Variants in ESRRG observed in about 807,000 individuals in gnomAD.
The protein encoded by ESRRG is estrogen related receptor gamma, also known as estrogen-related receptor gamma.
A neutral mutation model predicts 44.0 loss-of-function variants in ESRRG; 13 were observed. The ratio of observed to expected loss-of-function variants is 0.30; its 90% confidence interval spans 0.19 to 0.47. The LOEUF is 0.47. Among genes scored for constraint, ESRRG ranks in the 20% least tolerant of loss-of-function variants. The probability of loss-of-function intolerance (pLI) is 1.00; values close to 1 mark genes in which losing one functional copy is unlikely to be tolerated. For synonymous variants in ESRRG, 215 were observed against 214.6 expected (o/e 1.00, Z -0.02); for missense variants, 395 against 580.6 (o/e 0.68, Z 3.29).
chr1:216,757,765 A>G (rs748195341), intron 2 of ESRRG, among the ~76,000 whole-genome samples: 8 of 152,120 alleles, frequency 5.3e-5, no homozygotes, highest in African/African-American at 1.7e-4. Context: ...TGCAATTAAG[A>G]CTTCAGAGCC....
rs955202801 is a variant in ESRRG, at chr1:216,933,746, T to C, written c.-14+5836A>G. On this transcript the variant is annotated intron_variant, in intron 2 of 7. Coordinates refer to the ESRRG transcript ENST00000359162. ...ATTAAATTATAACTGGATCACAAAA[T>C]TCCTAGAAATTTAACAAGTGATTCT... Among the ~76,000 whole-genome samples, 3 of 152,198 alleles carry C rather than the reference T, an allele frequency of 2.0e-5. No homozygotes were observed. The East Asian group carries it at 5.8e-4, about 29-fold the overall frequency.
chr1:216,808,722 C>G (rs893330584), intron 2 of ESRRG, among the ~76,000 whole-genome samples: 1 of 152,070 alleles, frequency 6.6e-6, no homozygotes, highest in Non-Finnish European at 1.5e-5. Flanking sequence ...CCATGCCTGG[C>G]CTGAATATAA....
At chr1:216,976,665 G>C (rs1486756559) in intron 1 of ESRRG, among the ~76,000 whole-genome samples, 1 of 152,038 alleles carries the variant, frequency 6.6e-6, no homozygotes, top group East Asian at 1.9e-4. Context: ...CAGCAGCAAT[G>C]GTAGCAATTT....
At chr1:217,071,897 G>T (rs1320542441) in intron 1 of ESRRG, among the ~76,000 whole-genome samples, 1 of 152,144 alleles carries the variant, frequency 6.6e-6, no homozygotes, top group Non-Finnish European at 1.5e-5. Context: ...AACCCCTGGG[G>T]TCTAGTTCTA....
At chr1:216,885,131 G>A (rs2096496744) in intron 2 of ESRRG, among the ~76,000 whole-genome samples, 1 of 151,794 alleles carries the variant, frequency 6.6e-6, no homozygotes, top group Non-Finnish European at 1.5e-5. Flanking sequence ...GCAGATTTAA[G>A]GAAGGCAGCA....
chr1:216,655,831 G>T (rs986857650), intron 2 of ESRRG, among the ~76,000 whole-genome samples: 10 of 152,050 alleles, frequency 6.6e-5, no homozygotes, highest in African/African-American at 2.4e-4. Context: ...ATTGTTGTTG[G>T]CTATGATCAC....
chr1:217,006,687 G>A (rs946831693), intron 1 of ESRRG, among the ~76,000 whole-genome samples: 6 of 152,014 alleles, frequency 3.9e-5, no homozygotes, highest in African/African-American at 4.8e-5. Context: ...TTATATGCAC[G>A]GCCTAAAGGT....
chr1:217,119,640 AG>A (rs1429294155), intron 1 of ESRRG, among the ~76,000 whole-genome samples: 2 of 152,220 alleles, frequency 1.3e-5, no homozygotes, highest in African/African-American at 4.8e-5. Flanking sequence ...CTTGTAGCTC[AG>A]TTGGCTTTGA....
At chr1:216,534,477 T>C (rs1258841563) in intron 5 of ESRRG, among the ~76,000 whole-genome samples, 1 of 152,112 alleles carries the variant, frequency 6.6e-6, no homozygotes. Context: ...AGCTCATGAG[T>C]ATCTCTTTCA....
chr1:216,977,377 C>G (rs1394383404), intron 1 of ESRRG, among the ~76,000 whole-genome samples: 2 of 150,232 alleles, frequency 1.3e-5, no homozygotes, highest in Non-Finnish European at 3.0e-5. Flanking sequence ...CACACATATA[C>G]ATATAGATAG....
intron 2 of ESRRG, among the ~76,000 whole-genome samples, chr1:216,784,164 T>C (rs2094037041): frequency 6.6e-6 from 1 of 152,064 alleles, no homozygotes; most frequent in Non-Finnish European, 1.5e-5. Context: ...GAGTTTCTTT[T>C]TTTTTATGTC....
chr1:216,968,568 C>A (rs917671551), intron 1 of ESRRG, among the ~76,000 whole-genome samples: 6 of 152,034 alleles, frequency 3.9e-5, no homozygotes, highest in Non-Finnish European at 7.4e-5. Context: ...TAGTTTTGAG[C>A]TCTCTATTCT....
At chr1:217,114,849 T>C (rs1245645287) in intron 1 of ESRRG, among the ~76,000 whole-genome samples, 1 of 151,672 alleles carries the variant, frequency 6.6e-6, no homozygotes, top group Non-Finnish European at 1.5e-5. Context: ...TAGAGATGAT[T>C]TTTAGGGGTT....
At chr1:216,783,472 T>TA (rs2094007590) in intron 2 of ESRRG, among the ~76,000 whole-genome samples, 1 of 152,094 alleles carries the variant, frequency 6.6e-6, no homozygotes, top group South Asian at 2.1e-4. Context: ...TTAATTAAAA[T>TA]AAAAAATAGC....
upstream of ESRRG, among the ~76,000 whole-genome samples, chr1:217,092,082 G>T (rs1023611255): frequency 2.6e-5 from 4 of 152,212 alleles, no homozygotes; most frequent in African/African-American, 9.7e-5. Flanking sequence ...AACTAGCAAA[G>T]AGTAGAGGCA....
chr1:216,748,420 A>G (rs534270996), intron 2 of ESRRG, among the ~76,000 whole-genome samples: 4 of 152,268 alleles, frequency 2.6e-5, no homozygotes, highest in Non-Finnish European at 5.9e-5. Context: ...AATAATTTAA[A>G]ATGTGGCCTT....
intron 1 of ESRRG, among the ~76,000 whole-genome samples, chr1:216,680,603 C>A (rs1346815460): frequency 6.6e-6 from 1 of 152,206 alleles, no homozygotes; most frequent in Non-Finnish European, 1.5e-5. Context: ...CTGCATCACC[C>A]ACCCAGGGTG....
intron 1 of ESRRG, among the ~76,000 whole-genome samples, chr1:216,981,964 G>A (rs926621116): frequency 1.3e-5 from 2 of 152,178 alleles, no homozygotes; most frequent in African/African-American, 4.8e-5. Flanking sequence ...CGACAGTAAT[G>A]GGAGCTCTCT....
intron 1 of ESRRG, among the ~76,000 whole-genome samples, chr1:216,988,226 A>G (rs2075172228): frequency 6.6e-6 from 1 of 152,244 alleles, no homozygotes; most frequent in South Asian, 2.1e-4. Flanking sequence ...CATCAAGTCC[A>G]GAAGCCATAT....
Sources: gnomAD v4.1 joint callset for allele counts (sites outside exome capture counted in the v4.1 genomes callset) on GRCh38, gnomAD v4.1.1 for gene constraint, MANE v1.5 for transcripts, NCBI Gene and HGNC (gene_info 2026-07-23, HGNC 2026-07-21) for gene names.